STARD13: variants seen among roughly 807,000 people sequenced by gnomAD.
The protein encoded by STARD13 is StAR related lipid transfer domain containing 13, also known as stAR-related lipid transfer protein 13.
A neutral mutation model predicts 106.4 loss-of-function variants in STARD13; 62 were observed. The ratio of observed to expected loss-of-function variants is 0.58; its 90% CI spans 0.48 to 0.72. The LOEUF is 0.72. Ranked by LOEUF, STARD13 falls within the 30% of genes least tolerant of loss-of-function variation. The pLI is 0.00. For missense variants in STARD13, 1,387 were observed against 1,424.0 expected (o/e 0.97, Z 0.42); for synonymous variants, 565 against 553.0 (o/e 1.02, Z -0.31).
At chr13:33,206,037 G>A (rs1419431876) in intron 1 of STARD13, 5 of 985,192 alleles carry the variant, frequency 5.1e-6, no homozygotes, top group Non-Finnish European at 6.0e-6. Flanking sequence ...CCTGATCAAT[G>A]GTGTGCCTGG....
the STARD13 span, among the ~76,000 whole-genome samples, chr13:33,367,122 T>C: frequency 2.0e-5 from 3 of 152,346 alleles, no homozygotes; most frequent in African/African-American, 7.2e-5. Context: ...ACGATCTTTC[T>C]GCCGCTATGG....
the STARD13 span, among the ~76,000 whole-genome samples, chr13:33,583,005 A>T: frequency 6.6e-6 from 1 of 152,184 alleles, no homozygotes; most frequent in Non-Finnish European, 1.5e-5. Context: ...TCTCCACCTC[A>T]TCTCCTCCAA....
intron 1 of STARD13, among the ~76,000 whole-genome samples, chr13:33,196,797 G>A (rs1334492947): frequency 6.6e-6 from 1 of 152,148 alleles, no homozygotes; most frequent in African/African-American, 2.4e-5. Flanking sequence ...CCTAGTACTG[G>A]CCCTGTTAAC....
the STARD13 span, among the ~76,000 whole-genome samples, chr13:33,473,452 G>A: frequency 1.3e-5 from 2 of 152,196 alleles, no homozygotes; most frequent in Admixed American, 6.5e-5. Context: ...ATGCTGCACA[G>A]AAAGCCAATC....
the STARD13 span, among the ~76,000 whole-genome samples, chr13:33,452,051 C>G: frequency 4.6e-3 from 694 of 152,238 alleles, 7 homozygotes; most frequent in Non-Finnish European, 8.0e-3. Context: ...TAGGAGGTAC[C>G]TTGATGAAGG....
At chr13:33,413,401 T>G in the STARD13 span, among the ~76,000 whole-genome samples, 4 of 151,234 alleles carry the variant, frequency 2.6e-5, no homozygotes, top group Non-Finnish European at 5.9e-5. Context: ...AAGAAAGAAA[T>G]AATAAAGACG....
chr13:33,379,943 A>T, the STARD13 span, among the ~76,000 whole-genome samples: 2 of 152,364 alleles, frequency 1.3e-5, no homozygotes, highest in South Asian at 4.1e-4. Context: ...AATGAATATG[A>T]TAAGGTCCCT....
chr13:33,177,437 A>G (rs2301381), intron 1 of STARD13, among the ~76,000 whole-genome samples: 15,590 of 152,194 alleles, frequency 0.1, 976 homozygotes, highest in East Asian at 0.35. Context: ...TGACTAAAGT[A>G]CCAGCAAATG....
At chr13:33,190,935 A>C (rs1886213767) in intron 1 of STARD13, among the ~76,000 whole-genome samples, 1 of 152,210 alleles carries the variant, frequency 6.6e-6, no homozygotes, top group Non-Finnish European at 1.5e-5. Context: ...TCTTAAAAAT[A>C]CCAGCATTCA....
rs780725210 is a variant in STARD13, at chr13:33,129,865, G to C, written c.812C>G (p.Ala271Gly). Residue 271 changes from alanine (A) to glycine (G), a missense_variant, in exon 5 of 14, where the codon GCC becomes GGC. Transcript: ENST00000336934. ...CCCAGACCCCTTATGCCTCCCGTGG[G>C]CTCCCTTCCCTCGGAGTGTTTCCAT... ...KRMETLRGKG[A>G]HGRHKGSGRT... 1 of 1,612,862 alleles carries C rather than the reference G, an allele frequency of 6.2e-7. No individual in the cohort carries two copies. The highest frequency in any genetic ancestry group is 2.2e-5 in the East Asian group (1 of 44,868).
chr13:33,221,090 TTGTGGTGAAATA>T (rs1317182236), intron 1 of STARD13, among the ~76,000 whole-genome samples: 19 of 152,202 alleles, frequency 1.2e-4, no homozygotes, highest in African/African-American at 4.3e-4. Context: ...TAAAAAAAAA[TTGTGGTGAAATA>T]AACCTAACAA....
At chr13:33,202,548 C>G (rs1887119164) in intron 1 of STARD13, among the ~76,000 whole-genome samples, 1 of 152,134 alleles carries the variant, frequency 6.6e-6, no homozygotes, top group African/African-American at 2.4e-5. Context: ...CTTTGCGGAG[C>G]CTAGGGAGGA....
chr13:33,658,933 C>T, the STARD13 span, among the ~76,000 whole-genome samples: 28 of 152,232 alleles, frequency 1.8e-4, no homozygotes, highest in African/African-American at 6.5e-4. Context: ...GTCATTACAA[C>T]GCACAGGGGA....
chr13:33,514,970 TGTG>T, the STARD13 span, among the ~76,000 whole-genome samples: 1 of 152,044 alleles, frequency 6.6e-6, no homozygotes, highest in Non-Finnish European at 1.5e-5. Flanking sequence ...TCGGAAAGTG[TGTG>T]GTTTTACAAT....
the STARD13 span, among the ~76,000 whole-genome samples, chr13:33,571,894 T>A: frequency 1.3e-5 from 2 of 152,012 alleles, no homozygotes; most frequent in East Asian, 3.9e-4. Flanking sequence ...GCAGAGGAGG[T>A]ACCAAGAAAA....
the STARD13 span, among the ~76,000 whole-genome samples, chr13:33,355,826 T>A: frequency 6.6e-6 from 1 of 152,256 alleles, no homozygotes; most frequent in East Asian, 1.9e-4. Context: ...CCCATTGCCA[T>A]GCTCTGAATC....
At chr13:33,433,992 T>C in the STARD13 span, among the ~76,000 whole-genome samples, 1 of 152,122 alleles carries the variant, frequency 6.6e-6, no homozygotes, top group Non-Finnish European at 1.5e-5. Context: ...AGCAACTTAG[T>C]CAATAGTCAG....
At chr13:33,656,006 C>T in the STARD13 span, among the ~76,000 whole-genome samples, 6 of 152,300 alleles carry the variant, frequency 3.9e-5, no homozygotes, top group African/African-American at 1.2e-4. Context: ...CAGCCATGAG[C>T]CTTTGCACCT....
At chr13:33,625,802 A>C in the STARD13 span, among the ~76,000 whole-genome samples, 1 of 151,588 alleles carries the variant, frequency 6.6e-6, no homozygotes, top group Non-Finnish European at 1.5e-5. Flanking sequence ...CCCAGGTTCA[A>C]GCGATTCTCC....
Sources: allele counts gnomAD v4.1 joint callset (sites outside exome capture counted in the v4.1 genomes callset), GRCh38; gene constraint gnomAD v4.1.1; transcripts MANE v1.5; gene names NCBI Gene and HGNC (gene_info 2026-07-23, HGNC 2026-07-21).